SLF2: variants seen among roughly 807,000 people sequenced by gnomAD.
The protein encoded by SLF2 is SMC5-SMC6 complex localization factor protein 2.
Under a neutral mutation model 124.3 loss-of-function variants are expected in SLF2, and 68 were observed. That is an observed-to-expected ratio of 0.55 (90% CI 0.45 to 0.67). The LOEUF (loss-of-function observed/expected upper bound fraction) is 0.67. SLF2 is among the 30% of genes least tolerant of loss of function. The pLI is 0.00. For missense variants in SLF2, 1,246 were observed against 1,373.7 expected, an observed-to-expected ratio of 0.91 and a Z score of 1.47; for synonymous variants, 480 against 478.8, an observed-to-expected ratio of 1.00 and a Z score of -0.03.
At chr10:100,914,854 C>G (rs994416600) in intron 1 of SLF2, among the ~76,000 whole-genome samples, 1 of 152,322 alleles carries the variant, frequency 6.6e-6, no homozygotes, top group East Asian at 1.9e-4. Context: ...GCTTAACCTT[C>G]AAGAAACTTG....
At chr10:100,959,060 G>A (rs1850381635) in intron 18 of SLF2, among the ~76,000 whole-genome samples, 1 of 152,170 alleles carries the variant, frequency 6.6e-6, no homozygotes, top group African/African-American at 2.4e-5. Context: ...AACAGCCAAA[G>A]CCTTGGGCCC....
chr10:100,957,334 T>A (rs1399239861), intron 18 of SLF2, among the ~76,000 whole-genome samples: 27 of 7,380 alleles, frequency 3.7e-3, no homozygotes, highest in African/African-American at 0.011. Flanking sequence ...TCTTCAATTT[T>A]TTTTTTTTTT....
intron 1 of SLF2, chr10:100,913,712 A>C (rs1483804813): frequency 1.0e-6 from 1 of 993,452 alleles, no homozygotes; most frequent in Non-Finnish European, 1.2e-6. Flanking sequence ...CGTGCACGCT[A>C]GTTCATACTT....
At chr10:100,929,785 T>C (rs372883610) in intron 7 of SLF2, 45 bp from the exon 8 acceptor site, 4 of 1,421,360 alleles carry the variant, frequency 2.8e-6, no homozygotes, top group Non-Finnish European at 3.8e-6. Flanking sequence ...CAAAACTATA[T>C]GTAGTGTAAC....
At chr10:100,928,377 C>G (rs752233927) in intron 6 of SLF2, among the ~76,000 whole-genome samples, 3 of 152,064 alleles carry the variant, frequency 2.0e-5, no homozygotes, top group African/African-American at 4.8e-5. Flanking sequence ...AATTAGAGAA[C>G]TTGTCTGTAT....
intron 7 of SLF2, 147 bp downstream of exon 7, chr10:100,929,586 T>C (rs1849687612): frequency 1.4e-6 from 1 of 734,120 alleles, no homozygotes; most frequent in Non-Finnish European, 2.1e-6. Flanking sequence ...AGGCAAATGT[T>C]AGGGCCAGGT....
chr10:100,914,766 C>G (rs895806302), intron 1 of SLF2, among the ~76,000 whole-genome samples: 1 of 152,188 alleles, frequency 6.6e-6, no homozygotes, highest in Non-Finnish European at 1.5e-5. Flanking sequence ...ACCAGCATCT[C>G]AAACAAGCGT....
rs762068217 is a variant in SLF2 at position 100,929,867 on chromosome 10, A to C, written c.2203A>C (p.Ile735Leu). ...GAAATTTTCAGTTACAATTGATGCT[A>C]TTCCTGATCATCATCCAGGTGAAGA... ...LKKFSVTIDA[I>L]PDHHPGEEIF... Residue 735 changes from isoleucine to leucine, a missense_variant, in exon 8 of 20, where the codon ATT (isoleucine) becomes CTT (leucine). Ile to Leu is a conservative substitution (Grantham distance 5). Coordinates refer to ENST00000238961, the MANE Select transcript of SLF2 (RefSeq NM_018121.4). 3 of 1,591,352 alleles carry C rather than the reference A, an allele frequency of 1.9e-6. No individual in the cohort carries two copies. Among genetic ancestry groups the C allele is most frequent in the Non-Finnish European group, 2.6e-6 (3 of 1,173,358 alleles).
intron 12 of SLF2, among the ~76,000 whole-genome samples, chr10:100,944,819 G>T (rs1850068712): frequency 6.6e-6 from 1 of 152,164 alleles, no homozygotes; most frequent in Non-Finnish European, 1.5e-5. Context: ...GAGGTCAGGA[G>T]CTCAAGACCA....
chr10:100,956,786 C>T (rs1423739894), intron 18 of SLF2, among the ~76,000 whole-genome samples: 1 of 152,008 alleles, frequency 6.6e-6, no homozygotes, highest in Non-Finnish European at 1.5e-5. Flanking sequence ...AATAGCCAGG[C>T]ATGGTGTCAT....
At chr10:100,935,946 C>T (rs989349266) in intron 9 of SLF2, among the ~76,000 whole-genome samples, 3 of 147,814 alleles carry the variant, frequency 2.0e-5, no homozygotes, top group Non-Finnish European at 4.5e-5. Context: ...GCAGCCTCAA[C>T]CTCCCAGGTT....
In SLF2 at chr10:100,932,714, T is replaced by C. The variant is rs199638679; in HGVS notation, c.2436+1636T>C. Among the ~76,000 whole-genome samples the C allele has an allele frequency of 4.3e-3, 395 of 92,698 alleles. 3 individuals carry two copies. The highest frequency in any genetic ancestry group is 0.013 in the African/African-American group (382 of 29,304). 60.8% of individuals were successfully genotyped at this position (92,698 alleles called of 152,430 possible). A position where few individuals can be genotyped will look rare whatever the true frequency, so the allele number is the denominator to read the frequency against. ...ATAAGTGTGTGTGTGTGTGTGTGTG[T>C]GTGTGTGCGCGCGCGCGCGCGCGCA... is the stretch of plus-strand genomic sequence containing the variant. On this transcript the variant is annotated intron_variant, in intron 9 of 19. Coordinates refer to ENST00000238961, the MANE Select transcript of SLF2 (RefSeq NM_018121.4).
intron 19 of SLF2, among the ~76,000 whole-genome samples, chr10:100,960,951 G>T (rs1850414627): frequency 7.1e-6 from 1 of 140,264 alleles, no homozygotes; most frequent in Non-Finnish European, 1.5e-5. Flanking sequence ...GTGAAATATG[G>T]ATTCTGACTC....
intron 8 of SLF2, among the ~76,000 whole-genome samples, chr10:100,930,245 A>G (rs1434192381): frequency 1.3e-5 from 2 of 152,228 alleles, no homozygotes; most frequent in Non-Finnish European, 2.9e-5. Flanking sequence ...TGATTGTCAA[A>G]ATAATAGTGG....
intron 6 of SLF2, 59 bp from the exon 7 acceptor site, chr10:100,929,258 A>G (rs1849680357): frequency 1.2e-5 from 18 of 1,491,368 alleles, no homozygotes; most frequent in Non-Finnish European, 1.6e-5. Flanking sequence ...GATATAAACT[A>G]AAGACTTTTT....
In SLF2 at chr10:100,924,233, A is replaced by C. The variant is rs747675675; in HGVS notation, c.1232A>C (p.Asn411Thr). ...DGSSAGLAPS[N>T]SGNSGHHSTR... ...TCTTCTGCAGGCTTGGCACCTTCAA[A>C]TTCTGGCAATTCTGGCCACCATTCT... Residue 411 changes from asparagine (N) to threonine (T), a missense_variant, in exon 5 of 20, where the codon AAT becomes ACT. Physicochemically the swap from Asn to Thr is moderately conservative, Grantham distance 65. Around this residue, in one of 3 missense-constraint regions of SLF2, gnomAD observed 698 missense variants for 708.9 expected, o/e 0.98. Transcript: ENST00000238961. 2.5e-6 allele frequency: 4 copies of C among 1,614,162 alleles called. No individual in the cohort carries two copies. The highest frequency in any genetic ancestry group is 3.4e-6 in the Non-Finnish European group (4 of 1,180,028).
intron 15 of SLF2, among the ~76,000 whole-genome samples, chr10:100,949,265 G>T (rs749808722): frequency 6.6e-6 from 1 of 152,118 alleles, no homozygotes; most frequent in Non-Finnish European, 1.5e-5. Context: ...AGAGATCCGG[G>T]GATAGGATTT....
intron 17 of SLF2, among the ~76,000 whole-genome samples, chr10:100,953,983 G>A (rs1318848905): frequency 1.3e-5 from 2 of 151,994 alleles, no homozygotes; most frequent in East Asian, 4.0e-4. Context: ...TTGGCTGGGC[G>A]CAGTGGCTCA....
chr10:100,934,609 CTTATT>C (rs1446308947), intron 9 of SLF2, among the ~76,000 whole-genome samples: 1 of 151,224 alleles, frequency 6.6e-6, no homozygotes, highest in Non-Finnish European at 1.5e-5. Flanking sequence ...TTTATTTTAT[CTTATT>C]TTATTTTATT....
Sources: allele counts gnomAD v4.1 joint callset (sites outside exome capture counted in the v4.1 genomes callset), GRCh38; gene constraint gnomAD v4.1.1; regional missense constraint gnomAD v4.1.1; transcripts MANE v1.5; gene names NCBI Gene and HGNC (gene_info 2026-07-23, HGNC 2026-07-21).